The following SMIM14 variants were observed in gnomAD, a reference collection of about 807,000 sequenced individuals.
SMIM14 encodes the protein small integral membrane protein 14, also known as chromosome 4 open reading frame 34.
In SMIM14, 5 loss-of-function variants were observed where a neutral mutation model predicts 12.6. The observed-to-expected ratio is 0.40, with a 90% CI of 0.21 to 0.83. The LOEUF (loss-of-function observed/expected upper bound fraction) is 0.83, where lower values mean the gene tolerates loss of function less well. Among genes scored for constraint, SMIM14 ranks in the 40% least tolerant of loss-of-function variants. The pLI, the probability that SMIM14 is intolerant of heterozygous loss-of-function variation, is 0.37. For missense variants in SMIM14, 86 were observed against 119.1 expected (o/e 0.72, Z 1.29); for synonymous variants, 30 against 40.1 (o/e 0.75, Z 0.95).
At chr4:39,602,498 G>A (rs900548240) in intron 2 of SMIM14, among the ~76,000 whole-genome samples, 1 of 152,080 alleles carries the variant, frequency 6.6e-6, no homozygotes, top group African/African-American at 2.4e-5. Context: ...GGGAGGCTGA[G>A]GCATGAGAAT....
chr4:39,567,401 C>T (rs904522595), intron 3 of SMIM14, among the ~76,000 whole-genome samples: 27 of 151,748 alleles, frequency 1.8e-4, no homozygotes, highest in African/African-American at 6.1e-4. Flanking sequence ...CTCAGGAGTT[C>T]GAGACCAGCC....
At chr4:39,604,138 C>T (rs1714719605) in intron 2 of SMIM14, among the ~76,000 whole-genome samples, 1 of 152,090 alleles carries the variant, frequency 6.6e-6, no homozygotes, top group Non-Finnish European at 1.5e-5. Context: ...AAGCTCCACA[C>T]AGCTAAAAAC....
rs1324706721 is a variant in SMIM14 at position 39,593,881 on chromosome 4, C to T, written c.75+11190G>A. 2.0e-5 allele frequency: 3 copies of T among 152,202 alleles called. No individual in the cohort carries two copies. The East Asian group carries it at 5.8e-4, about 29-fold the overall frequency. The allele number at this position is 152,202 out of a possible 1,614,324, so 9.4% of individuals were successfully genotyped here. A position where few individuals can be genotyped will look rare whatever the true frequency, so the allele number is the denominator to read the frequency against. ...GACCTCGTCAAGGAGAACTACAAAC[C>T]ACTGCTCAATGAAATAAAAGAGGAT... On this transcript the variant is annotated intron_variant, in intron 2 of 4. Coordinates refer to ENST00000295958, the MANE Select transcript of SMIM14 (RefSeq NM_174921.3).
intron 4 of SMIM14, among the ~76,000 whole-genome samples, chr4:39,553,689 G>C (rs1375698076): frequency 6.6e-6 from 1 of 151,362 alleles, no homozygotes; most frequent in Non-Finnish European, 1.5e-5. Flanking sequence ...CACCTTCTGG[G>C]TTCAAGCAAT....
intron 1 of SMIM14, among the ~76,000 whole-genome samples, chr4:39,629,823 CGA>C (rs1287394449): frequency 6.6e-6 from 1 of 151,824 alleles, no homozygotes; most frequent in Non-Finnish European, 1.5e-5. Context: ...GAGGGGGTCT[CGA>C]TGTGTTGCCC....
In SMIM14 at chr4:39,572,821, T is replaced by TA. The variant is rs555089641; in HGVS notation, c.76-359dup. ...AGGGTGACAGAGCGAGACCTTGTCT[T>TA]AAAAAAAAAAATCATGTTTTCTTTT... On this transcript the variant is annotated intron_variant, in intron 2 of 4. Transcript: ENST00000295958. Among the ~76,000 whole-genome samples the TA allele has an allele frequency of 6.9e-3, 1,022 of 147,696 alleles. 8 individuals are homozygous for TA. Among genetic ancestry groups the TA allele is most frequent in the Middle Eastern group, 0.038 (11 of 288 alleles).
chr4:39,634,891 A>T (rs940452922), intron 1 of SMIM14, among the ~76,000 whole-genome samples: 2 of 152,264 alleles, frequency 1.3e-5, no homozygotes, highest in Admixed American at 1.3e-4. Context: ...AGACATGTTC[A>T]CTAAGTTCAT....
intron 3 of SMIM14, among the ~76,000 whole-genome samples, chr4:39,562,182 T>G (rs1712342848): frequency 6.6e-6 from 1 of 151,974 alleles, no homozygotes; most frequent in South Asian, 2.1e-4. Flanking sequence ...GAGACCAGCC[T>G]GGGCAACATA....
At chr4:39,626,010 G>A (rs766405687) in intron 1 of SMIM14, among the ~76,000 whole-genome samples, 7 of 152,146 alleles carry the variant, frequency 4.6e-5, no homozygotes, top group Non-Finnish European at 8.8e-5. Flanking sequence ...ACAGCAGAAG[G>A]AGGTGAGGTG....
intron 1 of SMIM14, among the ~76,000 whole-genome samples, chr4:39,609,108 C>G (rs1015304197): frequency 2.0e-5 from 3 of 152,066 alleles, no homozygotes; most frequent in African/African-American, 4.8e-5. Flanking sequence ...TCCAGACTAG[C>G]TAGGACTACA....
chr4:39,571,674 G>A (rs1046440443), intron 3 of SMIM14, among the ~76,000 whole-genome samples: 19 of 152,122 alleles, frequency 1.2e-4, no homozygotes, highest in South Asian at 2.1e-4. Flanking sequence ...AATGGTTTGC[G>A]CAAGCAGCTT....
intron 4 of SMIM14, among the ~76,000 whole-genome samples, chr4:39,554,183 G>C (rs969299645): frequency 5.3e-5 from 8 of 152,172 alleles, no homozygotes; most frequent in African/African-American, 1.9e-4. Context: ...TGGTATACAA[G>C]TGAATCTGGC....
intron 3 of SMIM14, among the ~76,000 whole-genome samples, chr4:39,572,048 C>T (rs1318504788): frequency 1.3e-5 from 2 of 152,018 alleles, no homozygotes; most frequent in East Asian, 3.9e-4. Flanking sequence ...AAACGATCCA[C>T]CGGCCTCAGC....
At chr4:39,636,301 C>A (rs1716089787) in intron 1 of SMIM14, among the ~76,000 whole-genome samples, 1 of 151,278 alleles carries the variant, frequency 6.6e-6, no homozygotes, top group Non-Finnish European at 1.5e-5. Flanking sequence ...AGAACTAAAT[C>A]TTTACCCGAA....
At chr4:39,569,911 A>G (rs1197400200) in intron 3 of SMIM14, among the ~76,000 whole-genome samples, 2 of 152,134 alleles carry the variant, frequency 1.3e-5, no homozygotes, top group Non-Finnish European at 2.9e-5. Flanking sequence ...GCACCAGAGG[A>G]GTCTATAAAC....
At chr4:39,553,149 C>T (rs1320356774) in intron 4 of SMIM14, among the ~76,000 whole-genome samples, 1 of 149,800 alleles carries the variant, frequency 6.7e-6, no homozygotes, top group African/African-American at 2.5e-5. Context: ...CAAACTCCGC[C>T]TCCCGGGTTC....
At chr4:39,632,332 T>C (rs1264283192) in intron 1 of SMIM14, among the ~76,000 whole-genome samples, 1 of 151,286 alleles carries the variant, frequency 6.6e-6, no homozygotes, top group Non-Finnish European at 1.5e-5. Flanking sequence ...ATACAAAAAT[T>C]AGCTGGGCAT....
In SMIM14 at chr4:39,548,771, C is replaced by G. The variant is rs1002941122; in HGVS notation, c.*3355G>C. 2 of 152,060 alleles carry G rather than the reference C, an allele frequency of 1.3e-5. No homozygotes were observed. Among genetic ancestry groups the G allele is most frequent in the Non-Finnish European group, 2.9e-5 (2 of 68,008 alleles). 9.4% of individuals were successfully genotyped at this position (152,060 alleles called of 1,614,324 possible). A position where few individuals can be genotyped will look rare whatever the true frequency, so the allele number is the denominator to read the frequency against. ...ATGCAGAGAAATTTTACAAGAAACC[C>G]AAGACTAAATACTTCATTAAGAACA... On this transcript the variant is annotated 3_prime_UTR_variant, in exon 5 of 5. Transcript: ENST00000295958.
chr4:39,599,062 C>T (rs1714492293), intron 2 of SMIM14, among the ~76,000 whole-genome samples: 1 of 152,206 alleles, frequency 6.6e-6, no homozygotes, highest in African/African-American at 2.4e-5. Context: ...CCTATGAAAG[C>T]ATACTCCCCC....
Sources: gnomAD v4.1 joint callset for allele counts (sites outside exome capture counted in the v4.1 genomes callset) on GRCh38, gnomAD v4.1.1 for gene constraint, MANE v1.5 for transcripts, NCBI Gene and HGNC (gene_info 2026-07-23, HGNC 2026-07-21) for gene names.